Variants in EXD3 observed in about 807,000 individuals in gnomAD.
EXD3 encodes exonuclease mut-7 homolog.
A neutral mutation model predicts 98.0 loss-of-function variants in EXD3; 92 were observed. The observed-to-expected ratio is 0.94, with a 90% CI of 0.79 to 1.12. The LOEUF is 1.12. Ranked by LOEUF, EXD3 falls within the 50% of genes most tolerant of loss-of-function variation. The probability of loss-of-function intolerance (pLI) is 0.00; values close to 1 mark genes in which losing one functional copy is unlikely to be tolerated. For missense variants in EXD3, 1,222 were observed against 1,191.6 expected (o/e 1.03, Z -0.38); for synonymous variants, 569 against 526.0 (o/e 1.08, Z -1.12).
chr9:137,354,541 C>G, intron 9 of EXD3, 159 bp downstream of exon 9: 1 of 1,535,550 alleles, frequency 6.5e-7, no homozygotes, highest in East Asian at 2.4e-5. Flanking sequence ...ATGGCCTCCC[C>G]TTCACCCAGG....
chr9:137,345,363 A>G (rs550094499), intron 17 of EXD3, among the ~76,000 whole-genome samples: 45 of 152,192 alleles, frequency 3.0e-4, no homozygotes, highest in Non-Finnish European at 5.3e-4. Context: ...TAGAAAACAC[A>G]TGATTTGGAA....
chr9:137,370,638 G>C (rs1333400499), intron 5 of EXD3, among the ~76,000 whole-genome samples: 2 of 151,020 alleles, frequency 1.3e-5, no homozygotes. Flanking sequence ...AGGAGGGGCT[G>C]TGGTATCGAC....
intron 1 of EXD3, among the ~76,000 whole-genome samples, chr9:137,406,297 AAAAAGAAAAAG>A (rs1451637357): frequency 2.9e-3 from 437 of 151,672 alleles, no homozygotes; most frequent in Non-Finnish European, 3.8e-3. Context: ...AAAGGAAAAA[AAAAAGAAAAAG>A]AAAAGAAAAA....
chr9:137,416,516 G>C (rs529549388), intron 1 of EXD3, among the ~76,000 whole-genome samples: 1 of 152,336 alleles, frequency 6.6e-6, no homozygotes, highest in South Asian at 2.1e-4. Flanking sequence ...CCCCCGGGCA[G>C]GCGCCCGGAA....
Position 137,349,680 on chromosome 9 carries a change from G to A in EXD3, c.1495-149C>T, listed in dbSNP as rs1055236681. The A allele has an allele frequency of 6.3e-5, 55 of 879,810 alleles. No homozygotes were observed. The highest frequency in any genetic ancestry group is 4.0e-5 in the South Asian group (2 of 49,794). 54.5% of individuals were successfully genotyped at this position (879,810 alleles called of 1,614,324 possible). A position where few individuals can be genotyped will look rare whatever the true frequency, so the allele number is the denominator to read the frequency against. ...CACAGCAGAGACGGGGAGAAGGAGC[G>A]GACACATCCGAGGAGAGGCTCCACG... is the stretch of plus-strand genomic sequence containing the variant. On this transcript the variant is annotated intron_variant, in intron 14 of 21. Coordinates refer to ENST00000340951, the MANE Select transcript of EXD3 (RefSeq NM_017820.5). The surrounding 1 kb of genome is among the most constrained non-coding windows in gnomAD (Gnocchi z 7.4).
intron 1 of EXD3, among the ~76,000 whole-genome samples, chr9:137,409,709 C>T (rs941856310): frequency 3.3e-5 from 5 of 152,172 alleles, no homozygotes; most frequent in Admixed American, 6.5e-5. Flanking sequence ...CACATTCCCT[C>T]GCTGCACACT....
intron 19 of EXD3, among the ~76,000 whole-genome samples, chr9:137,314,825 T>C (rs1831556301): frequency 6.6e-6 from 1 of 152,062 alleles, no homozygotes; most frequent in Non-Finnish European, 1.5e-5. Context: ...GCCAGGGCCC[T>C]GAGTGTGGGA....
chr9:137,381,317 G>A (rs932829129), intron 3 of EXD3: 1 of 150,058 alleles, frequency 6.7e-6, no homozygotes, highest in African/African-American at 2.5e-5. Context: ...TCCGGAGGCT[G>A]AGGCAGGAGA....
chr9:137,396,915 C>A (rs567899147), intron 1 of EXD3, among the ~76,000 whole-genome samples: 21 of 152,346 alleles, frequency 1.4e-4, no homozygotes, highest in African/African-American at 4.3e-4. Context: ...CCAAGGCAGC[C>A]CCAGGACAGC....
In EXD3 at chr9:137,349,746, T is replaced by G. The variant is rs551812644; in HGVS notation, c.1495-215A>C. 8.8e-4 allele frequency among the ~76,000 whole-genome samples: 134 copies of G among 151,990 alleles called. 1 individual carries two copies. The highest frequency in any genetic ancestry group is 1.8e-3 in the Non-Finnish European group (121 of 67,946). ...GCAGGCACTGCACACCAGGGCCAGC[T>G]CCGGGGGCCCTGGTCAGCAGTCCCA... is the stretch of plus-strand genomic sequence containing the variant. On this transcript the variant is annotated intron_variant, in intron 14 of 21. Transcript: ENST00000340951. This position sits in a 1 kb window ranked among gnomAD's most constrained non-coding sequence, Gnocchi z 7.4.
intron 17 of EXD3, among the ~76,000 whole-genome samples, chr9:137,332,002 A>ACC (rs1833089406): frequency 6.6e-6 from 1 of 152,164 alleles, no homozygotes; most frequent in Admixed American, 6.6e-5. Flanking sequence ...ACACACACAC[A>ACC]CAGAACAAAC....
intron 17 of EXD3, among the ~76,000 whole-genome samples, chr9:137,327,936 T>C (rs1012014698): frequency 6.9e-4 from 1 of 1,448 alleles, no homozygotes; most frequent in Admixed American, 8.1e-3. Flanking sequence ...ATATGCTGAG[T>C]AAAACAACTA....
chr9:137,308,450 G>T (rs1289366925), intron 20 of EXD3, among the ~76,000 whole-genome samples: 1 of 151,982 alleles, frequency 6.6e-6, no homozygotes, highest in East Asian at 1.9e-4. Context: ...CCATCTGGGT[G>T]TTGCCCACTA....
At chr9:137,327,146 T>C (rs1382575132) in intron 17 of EXD3, among the ~76,000 whole-genome samples, 1 of 151,766 alleles carries the variant, frequency 6.6e-6, no homozygotes, top group African/African-American at 2.4e-5. Flanking sequence ...TTTTTTTTTT[T>C]TTTTTGAGAC....
At position 137,407,431 on chromosome 9, in the gene EXD3, C is replaced by G. The variant is rs1837776710; in HGVS notation, c.-47-12027G>C. Among the ~76,000 whole-genome samples the G allele has an allele frequency of 6.6e-6, 1 of 152,248 alleles. No individual in the cohort carries two copies. The highest frequency in any genetic ancestry group is 2.4e-5 in the African/African-American group (1 of 41,474). On this transcript the variant is annotated intron_variant, in intron 1 of 21. Coordinates refer to ENST00000340951, the MANE Select transcript of EXD3 (RefSeq NM_017820.5). The surrounding 1 kb of genome is among the most constrained non-coding windows in gnomAD (Gnocchi z 4.4). ...GGGGCCATCTGCCCCCGGCTCACCGCAGGCCCTTTCCTGGGGGCCTCTGTG... is the reference window on the plus strand; with the variant it reads ...GGGGCCATCTGCCCCCGGCTCACCGGAGGCCCTTTCCTGGGGGCCTCTGTG...
intron 17 of EXD3, chr9:137,346,113 C>T (rs1279692644): frequency 6.6e-6 from 1 of 151,176 alleles, no homozygotes; most frequent in Non-Finnish European, 1.5e-5. Context: ...GTGGCAGGAG[C>T]CTGTAGTTCC....
rs919853164 is a variant in EXD3 at position 137,371,944 on chromosome 9, C to G, written c.462+961G>C. ...TCCCTACCCACTGCAGGCCCCACTG[C>G]TCCCTACTGTTCCACACAAACCCAA... is the stretch of plus-strand genomic sequence containing the variant. On this transcript the variant is annotated intron_variant, in intron 5 of 21. Coordinates refer to ENST00000340951, the MANE Select transcript of EXD3 (RefSeq NM_017820.5). This position sits in a 1 kb window ranked among gnomAD's most constrained non-coding sequence, Gnocchi z 8.0. Among the ~76,000 whole-genome samples the G allele has an allele frequency of 6.6e-6, 1 of 152,144 alleles. No individual in the cohort carries two copies. The highest frequency in any genetic ancestry group is 1.5e-5 in the Non-Finnish European group (1 of 68,024).
At chr9:137,375,110 G>A (rs568560756) in intron 3 of EXD3, among the ~76,000 whole-genome samples, 1 of 152,196 alleles carries the variant, frequency 6.6e-6, no homozygotes, top group East Asian at 1.9e-4. Flanking sequence ...CCGGGTTCAC[G>A]CCATTCTCCT....
At chr9:137,401,859 C>T (rs1837495846) in intron 1 of EXD3, among the ~76,000 whole-genome samples, 1 of 152,182 alleles carries the variant, frequency 6.6e-6, no homozygotes, top group Non-Finnish European at 1.5e-5. Context: ...GAGACATTTT[C>T]CCCATGGTCT....
Sources: allele counts gnomAD v4.1 joint callset (sites outside exome capture counted in the v4.1 genomes callset), GRCh38; gene constraint gnomAD v4.1.1; non-coding constraint Gnocchi (gnomAD v3.1); transcripts MANE v1.5; gene names NCBI Gene and HGNC (gene_info 2026-07-23, HGNC 2026-07-21).